Variants in C12orf60 observed in about 807,000 individuals in gnomAD.
C12orf60 encodes the protein uncharacterized protein C12orf60.
For missense variants in C12orf60, 284 were observed against 283.2 expected (o/e 1.00, Z -0.02); for synonymous variants, 102 against 94.6 (o/e 1.08, Z -0.45).
chr12:14,816,032 G>A (rs182808232), intron 1 of C12orf60, among the ~76,000 whole-genome samples: 2 of 152,302 alleles, frequency 1.3e-5, no homozygotes, highest in Admixed American at 1.3e-4. Flanking sequence ...TCTGCAATCA[G>A]TTTCTCAGGT....
chr12:14,806,621 A>G, intron 1 of C12orf60: 2 of 1,613,528 alleles, frequency 1.2e-6, no homozygotes, highest in Middle Eastern at 1.7e-4. Context: ...GCTGGTGAAG[A>G]CGATTTACTT....
intron 1 of C12orf60, chr12:14,805,178 G>A (rs2137250520): frequency 6.6e-6 from 1 of 152,300 alleles, no homozygotes; most frequent in Non-Finnish European, 1.5e-5. Context: ...AATAAATTAT[G>A]ACTTTCTTTT....
chr12:14,821,362 T>C (rs190459802), intron 1 of C12orf60, among the ~76,000 whole-genome samples: 51 of 152,274 alleles, frequency 3.3e-4, no homozygotes, highest in Non-Finnish European at 3.1e-4. Context: ...AAGCAGGACC[T>C]CTCTCCCTCT....
intron 1 of C12orf60, among the ~76,000 whole-genome samples, chr12:14,812,561 A>T (rs1235464631): frequency 1.3e-5 from 2 of 152,006 alleles, no homozygotes; most frequent in African/African-American, 4.8e-5. Flanking sequence ...ATACCCACAG[A>T]TTTTTTTTCC....
intron 1 of C12orf60, among the ~76,000 whole-genome samples, chr12:14,820,710 A>G (rs1284998156): frequency 6.6e-6 from 1 of 152,084 alleles, no homozygotes; most frequent in African/African-American, 2.4e-5. Context: ...ATATATGAAA[A>G]AAACTGCTGG....
intron 1 of C12orf60, among the ~76,000 whole-genome samples, chr12:14,819,334 ATTG>A (rs1367779359): frequency 6.6e-6 from 1 of 152,122 alleles, no homozygotes; most frequent in African/African-American, 2.4e-5. Context: ...TTGGTTCCCT[ATTG>A]TTCATTCCTA....
intron 1 of C12orf60, among the ~76,000 whole-genome samples, chr12:14,814,547 G>A (rs909170721): frequency 1.3e-5 from 2 of 152,072 alleles, no homozygotes; most frequent in Non-Finnish European, 2.9e-5. Context: ...GTTTCTTTTA[G>A]CTTCTGTTGC....
chr12:14,823,503 A>G lies in C12orf60; in HGVS notation c.568A>G (p.Lys190Glu), dbSNP rs577685882. 1.4e-4 allele frequency: 221 copies of G among 1,613,024 alleles called. 1 individual carries two copies. In the South Asian group the frequency reaches 2.3e-3, roughly 17 times the overall value. The change falls in exon 2 of 2, where the codon AAA becomes GAA. Residue 190 changes from lysine (K) to glutamate (E), a missense_variant. Transcript: ENST00000330828. ...AACCACTATGATAGACACCTTGAAAAAACTGCAGGATGTACTAAAAACTGA... is the reference window on the plus strand; with the variant it reads ...AACCACTATGATAGACACCTTGAAAGAACTGCAGGATGTACTAAAAACTGA... The part of the protein sequence containing the change: ...SKTTMIDTLK[K>E]LQDVLKTEDS...
In C12orf60 at chr12:14,805,532, T is replaced by C. The variant is rs902515298; in HGVS notation, c.-25+1781T>C. ...AGATTTACTCTGATGGTCAAAAATA[T>C]GGTAGTATTTCTGTCTCATTCGAAG... On this transcript the variant is annotated intron_variant, in intron 1 of 1. Transcript: ENST00000330828. 2.0e-5 allele frequency: 3 copies of C among 153,608 alleles called. 1 individual carries two copies. The highest frequency in any genetic ancestry group is 1.3e-4 in the Admixed American group (2 of 15,422). The allele number at this position is 153,608 out of a possible 1,614,324, so 9.5% of individuals were successfully genotyped here.
chr12:14,810,398 A>G (rs1950118183), intron 1 of C12orf60, among the ~76,000 whole-genome samples: 1 of 152,232 alleles, frequency 6.6e-6, no homozygotes, highest in Non-Finnish European at 1.5e-5. Context: ...GAAGAAGGCA[A>G]TTATTGATTC....
At chr12:14,805,157 T>A (rs1950029124) in intron 1 of C12orf60, 1 of 152,270 alleles carries the variant, frequency 6.6e-6, no homozygotes, top group African/African-American at 2.4e-5. Flanking sequence ...TTCTTTTTTC[T>A]GAAAGCTTAT....
At chr12:14,810,616 C>A (rs1219680770) in intron 1 of C12orf60, among the ~76,000 whole-genome samples, 1 of 152,108 alleles carries the variant, frequency 6.6e-6, no homozygotes, top group African/African-American at 2.4e-5. Context: ...TGGTATTTGA[C>A]TTGTGCAAAT....
chr12:14,811,082 A>C (rs948947928), intron 1 of C12orf60, among the ~76,000 whole-genome samples: 4 of 152,246 alleles, frequency 2.6e-5, no homozygotes, highest in African/African-American at 9.6e-5. Flanking sequence ...ATCCAGCTCT[A>C]ATTAACTACA....
At chr12:14,813,360 C>G (rs185788587) in intron 1 of C12orf60, among the ~76,000 whole-genome samples, 1 of 152,098 alleles carries the variant, frequency 6.6e-6, no homozygotes, top group African/African-American at 2.4e-5. Flanking sequence ...AAATCAGGAG[C>G]TTTTCAGAAG....
At chr12:14,818,975 C>T (rs538418301) in intron 1 of C12orf60, among the ~76,000 whole-genome samples, 24 of 152,202 alleles carry the variant, frequency 1.6e-4, no homozygotes, top group African/African-American at 5.5e-4. Flanking sequence ...TGTTCCTTTA[C>T]ATTTACATAT....
intron 1 of C12orf60, among the ~76,000 whole-genome samples, chr12:14,819,582 G>A (rs115935112): frequency 0.016 from 2,479 of 152,182 alleles, 63 homozygotes; most frequent in African/African-American, 0.056. Flanking sequence ...GAACATACCT[G>A]ACTAATTCCC....
At position 14,823,377 on chromosome 12, in the gene C12orf60, A is replaced by T. The variant is rs944755501; in HGVS notation, c.442A>T (p.Ile148Phe). 3.1e-6 allele frequency: 5 copies of T among 1,614,124 alleles called. No homozygotes were observed. The highest frequency in any genetic ancestry group is 4.2e-6 in the Non-Finnish European group (5 of 1,180,004). Reference protein sequence around the residue: ...SSLSHLMKFPIMNLQLSDFYT... With the variant: ...SSLSHLMKFPFMNLQLSDFYT... ...TCTTTCACACTTGATGAAATTCCCC[A>T]TCATGAATCTTCAATTAAGTGACTT... The change falls in exon 2 of 2, where the codon ATC becomes TTC. Residue 148 changes from isoleucine to phenylalanine, a missense_variant. Transcript: ENST00000330828.
At chr12:14,810,877 T>C (rs907288106) in intron 1 of C12orf60, among the ~76,000 whole-genome samples, 1 of 152,218 alleles carries the variant, frequency 6.6e-6, no homozygotes, top group African/African-American at 2.4e-5. Flanking sequence ...ACAAAAGCCC[T>C]GCAATTATTT....
intron 1 of C12orf60, among the ~76,000 whole-genome samples, chr12:14,812,184 C>G (rs1375291013): frequency 6.6e-6 from 1 of 152,244 alleles, no homozygotes; most frequent in African/African-American, 2.4e-5. Context: ...GTGGCTCACG[C>G]CTGTAATCCG....
Sources: allele counts gnomAD v4.1 joint callset (sites outside exome capture counted in the v4.1 genomes callset), GRCh38; gene constraint gnomAD v4.1.1; transcripts MANE v1.5; gene names NCBI Gene and HGNC (gene_info 2026-07-23, HGNC 2026-07-21).